The following MEMO1 variants were observed in gnomAD, a reference collection of about 807,000 sequenced individuals.
MEMO1 encodes protein MEMO1.
Under a neutral mutation model 45.2 loss-of-function variants are expected in MEMO1, and 6 were observed. That is an observed-to-expected ratio of 0.13 (90% confidence interval 0.07 to 0.26). The LOEUF is 0.26. Among genes scored for constraint, MEMO1 ranks in the 10% least tolerant of loss-of-function variants. The pLI is 1.00. For missense variants in MEMO1, 184 were observed against 370.5 expected, an observed-to-expected ratio of 0.50 and a Z score of 4.13; for synonymous variants, 78 against 124.3, an observed-to-expected ratio of 0.63 and a Z score of 2.48.
chr2:31,930,656 A>T (rs1038412037), intron 4 of MEMO1, among the ~76,000 whole-genome samples: 100 of 151,318 alleles, frequency 6.6e-4, no homozygotes, highest in African/African-American at 2.1e-3. Context: ...ATATATATAT[A>T]TTTTTTTTGA....
chr2:31,871,967 T>C (rs1337122716), intron 8 of MEMO1, among the ~76,000 whole-genome samples: 1 of 149,350 alleles, frequency 6.7e-6, no homozygotes, highest in Non-Finnish European at 1.5e-5. Context: ...TGACCCGAGA[T>C]TGTGCCACTG....
intron 2 of MEMO1, among the ~76,000 whole-genome samples, chr2:31,979,249 C>A (rs1670369879): frequency 6.6e-6 from 1 of 152,184 alleles, no homozygotes; most frequent in African/African-American, 2.4e-5. Flanking sequence ...TCACCTCCCA[C>A]CAGGTCTCTC....
intron 2 of MEMO1, among the ~76,000 whole-genome samples, chr2:31,947,324 C>T (rs1368994398): frequency 2.0e-5 from 3 of 152,158 alleles, no homozygotes; most frequent in Non-Finnish European, 4.4e-5. Flanking sequence ...GAGCCAAACT[C>T]CAAGTTTCTC....
chr2:31,963,103 T>A (rs747392202), intron 2 of MEMO1: 25 of 1,424,236 alleles, frequency 1.8e-5, no homozygotes, highest in Non-Finnish European at 2.2e-5. Context: ...AACCAACCCA[T>A]CCTCAGTCTC....
chr2:31,890,376 C>T (rs1031276009), intron 7 of MEMO1, among the ~76,000 whole-genome samples: 2 of 152,032 alleles, frequency 1.3e-5, no homozygotes, highest in Admixed American at 6.6e-5. Context: ...GTTACCAACA[C>T]AAATTCACAA....
At chr2:31,880,288 A>G (rs1189707961) in intron 8 of MEMO1, among the ~76,000 whole-genome samples, 1 of 152,216 alleles carries the variant, frequency 6.6e-6, no homozygotes, top group Non-Finnish European at 1.5e-5. Flanking sequence ...GGAGAGTTAA[A>G]CAACTGAAAT....
intron 2 of MEMO1, among the ~76,000 whole-genome samples, chr2:31,990,798 G>T (rs563551520): frequency 1.3e-5 from 2 of 152,070 alleles, no homozygotes; most frequent in African/African-American, 4.8e-5. Context: ...ACTCTTTAGG[G>T]CTATCAATAA....
intron 2 of MEMO1, among the ~76,000 whole-genome samples, chr2:31,970,447 T>G (rs1490046560): frequency 6.6e-6 from 1 of 152,202 alleles, no homozygotes. Flanking sequence ...AGCCAACTAC[T>G]CAAGCAGTTT....
At chr2:31,926,104 T>C (rs1683068530) in intron 4 of MEMO1, among the ~76,000 whole-genome samples, 1 of 152,120 alleles carries the variant, frequency 6.6e-6, no homozygotes, top group Admixed American at 6.6e-5. Context: ...CGGTGGTTCA[T>C]GCCTGTAATC....
intron 4 of MEMO1, among the ~76,000 whole-genome samples, chr2:31,921,362 CA>C (rs1171513147): frequency 6.6e-6 from 1 of 152,204 alleles, no homozygotes. Context: ...ACAGCCCTAG[CA>C]AACTAATACA....
rs559284351 is a variant in MEMO1 at position 31,906,622 on chromosome 2, C to T, written c.437+11304G>A. On this transcript the variant is annotated intron_variant, in intron 6 of 9. Transcript: ENST00000404530. ...ACAGGTGTTAGCCATCGCACCCAGCCTAGGAGTGCTATTCTTCTTCAGTCC... is the reference window on the plus strand; with the variant it reads ...ACAGGTGTTAGCCATCGCACCCAGCTTAGGAGTGCTATTCTTCTTCAGTCC... Among the ~76,000 whole-genome samples, 366 of 152,280 alleles carry T rather than the reference C, an allele frequency of 2.4e-3. 1 individual carries two copies. The highest frequency in any genetic ancestry group is 3.5e-3 in the Non-Finnish European group (241 of 68,016).
chr2:31,889,243 G>A (rs1414796325), intron 7 of MEMO1, among the ~76,000 whole-genome samples: 1 of 152,032 alleles, frequency 6.6e-6, no homozygotes, highest in Non-Finnish European at 1.5e-5. Context: ...AATTTTTCAA[G>A]TGTACTGCAA....
intron 6 of MEMO1, among the ~76,000 whole-genome samples, chr2:31,899,287 C>A (rs796823943): frequency 6.3e-4 from 96 of 152,264 alleles, no homozygotes; most frequent in African/African-American, 2.2e-3. Flanking sequence ...TCAAACTATA[C>A]TACAAGGCTA....
chr2:31,974,510 G>GT (rs1304751863), intron 2 of MEMO1, among the ~76,000 whole-genome samples: 1 of 152,182 alleles, frequency 6.6e-6, no homozygotes, highest in African/African-American at 2.4e-5. Context: ...ATTCTGGGGG[G>GT]TTGAGGCAGG....
rs147048369 is a variant in MEMO1, at chr2:31,908,229, G to C, written c.437+9697C>G. Among the ~76,000 whole-genome samples, 651 of 152,012 alleles carry C rather than the reference G, an allele frequency of 4.3e-3. 9 individuals carry two copies. Among genetic ancestry groups the C allele is most frequent in the African/African-American group, 0.015 (639 of 41,484 alleles). ...CCTTGACCCTCTCTTCCTAACTCCAGTCCTACCCACACAGTGCTTAAAGTG... is the reference window on the plus strand; with the variant it reads ...CCTTGACCCTCTCTTCCTAACTCCACTCCTACCCACACAGTGCTTAAAGTG... On this transcript the variant is annotated intron_variant, in intron 6 of 9. Coordinates refer to ENST00000404530, the MANE Select transcript of MEMO1 (RefSeq NM_001301833.4).
intron 6 of MEMO1, among the ~76,000 whole-genome samples, chr2:31,896,406 G>A (rs965590804): frequency 6.6e-6 from 1 of 152,076 alleles, no homozygotes; most frequent in African/African-American, 2.4e-5. Flanking sequence ...AAGTTTTCTG[G>A]GCAGTACAGT....
chr2:31,911,124 C>T (rs993805240), intron 6 of MEMO1, among the ~76,000 whole-genome samples: 1 of 151,950 alleles, frequency 6.6e-6, no homozygotes, highest in Admixed American at 6.6e-5. Flanking sequence ...AACAATCCTT[C>T]AGGAGGTGGA....
chr2:31,938,512 G>T (rs904842609), intron 3 of MEMO1, among the ~76,000 whole-genome samples: 1 of 151,912 alleles, frequency 6.6e-6, no homozygotes, highest in South Asian at 2.1e-4. Context: ...GCTGGGCATG[G>T]TGGTGGGCGA....
At chr2:31,985,428 T>A (rs1466671621) in intron 2 of MEMO1, among the ~76,000 whole-genome samples, 2 of 152,160 alleles carry the variant, frequency 1.3e-5, no homozygotes, top group Non-Finnish European at 2.9e-5. Context: ...TGGGTTCAAG[T>A]GGTTCTCCTG....
Sources: gnomAD v4.1 joint callset for allele counts (sites outside exome capture counted in the v4.1 genomes callset) on GRCh38, gnomAD v4.1.1 for gene constraint, MANE v1.5 for transcripts, NCBI Gene and HGNC (gene_info 2026-07-23, HGNC 2026-07-21) for gene names.